The following HRC variants were observed in gnomAD, a reference collection of about 807,000 sequenced individuals.
HRC encodes the protein histidine rich calcium binding protein, also known as sarcoplasmic reticulum histidine-rich calcium-binding protein.
In HRC, 41 loss-of-function variants were observed where a neutral mutation model predicts 61.4. That is an observed-to-expected ratio of 0.67 (90% CI 0.52 to 0.87). HRC has a LOEUF of 0.87. Ranked by LOEUF, HRC falls within the 40% of genes least tolerant of loss-of-function variation. The pLI is 0.00. For synonymous variants in HRC, 308 were observed against 326.6 expected, an observed-to-expected ratio of 0.94 and a Z score of 0.62; for missense variants, 839 against 885.8, an observed-to-expected ratio of 0.95 and a Z score of 0.67.
Position 49,155,323 on chromosome 19 carries a change from CT to C in HRC, c.-87del. ...GTCTTTGTCCCTTTGGGGTTGGTCT[CT>C]TTTTTTCTCTGTGTCTCTCCTTTGT... On this transcript the variant is annotated 5_prime_UTR_variant, in exon 1 of 6. Coordinates refer to ENST00000252825, the MANE Select transcript of HRC (RefSeq NM_002152.3). The surrounding 1 kb of genome is among the most constrained non-coding windows in gnomAD (Gnocchi z 4.7). The C allele has an allele frequency of 4.1e-6, 6 of 1,454,836 alleles. 1 individual carries two copies. The South Asian group carries it at 5.7e-5, about 14-fold the overall frequency. 90.1% of individuals were successfully genotyped at this position (1,454,836 alleles called of 1,614,324 possible). A position where few individuals can be genotyped will look rare whatever the true frequency, so the allele number is the denominator to read the frequency against.
rs1201997656 is a variant in HRC at position 49,154,013 on chromosome 19, C to T, written c.1225G>A (p.Glu409Lys). The change falls in exon 1 of 6, where the codon GAG (glutamate) becomes AAG (lysine). Residue 409 changes from glutamate to lysine, a missense_variant. Coordinates refer to ENST00000252825, the MANE Select transcript of HRC (RefSeq NM_002152.3). ...HKSDEEDFQD[E>K]YKTEVPHHHH... ...TGGTGAGGGACTTCTGTTTTATACT[C>T]ATCTTGGAAGTCCTCTTCATCACTC... 6 of 1,613,860 alleles carry T rather than the reference C, an allele frequency of 3.7e-6. No individual in the cohort carries two copies. Among genetic ancestry groups the T allele is most frequent in the Non-Finnish European group, 8.5e-7 (1 of 1,180,016 alleles).
Position 49,153,744 on chromosome 19 carries a change from G to A in HRC, c.1494C>T (p.Asp498=), listed in dbSNP as rs200900881. 111 of 1,613,818 alleles carry A rather than the reference G, an allele frequency of 6.9e-5. No individual in the cohort carries two copies. The highest frequency in any genetic ancestry group is 2.9e-4 in the African/African-American group (22 of 74,806). ...KEEDPGSHEE[D]DESSEQGEKG... is the part of the protein sequence containing the mutation. Reference sequence around the variant, plus strand: ...TCTCTCCCTGCTCTGAACTTTCATCGTCTTCCTCATGGGAGCCGGGGTCCT... The same window carrying A: ...TCTCTCCCTGCTCTGAACTTTCATCATCTTCCTCATGGGAGCCGGGGTCCT... Residue 498 remains aspartate, a synonymous_variant, in exon 1 of 6, where the codon GAC becomes GAT. Coordinates refer to ENST00000252825, the MANE Select transcript of HRC (RefSeq NM_002152.3). This position sits in a 1 kb window ranked among gnomAD's most constrained non-coding sequence, Gnocchi z 4.8.
Position 49,155,040 on chromosome 19 carries a change from G to T in HRC, c.198C>A (p.Asp66Glu). 6.2e-7 allele frequency: 1 copy of T among 1,614,200 alleles called. No individual in the cohort carries two copies. Among genetic ancestry groups the T allele is most frequent in the Non-Finnish European group, 8.5e-7 (1 of 1,180,040 alleles). The change falls in exon 1 of 6, where the codon GAC becomes GAA. Residue 66 changes from aspartate (D) to glutamate (E), a missense_variant. By Grantham distance (45) the Asp-to-Glu change is conservative. Transcript: ENST00000252825. The surrounding 1 kb of genome is among the most constrained non-coding windows in gnomAD (Gnocchi z 4.7). ...ELRHHLHSPRDHPDENKDVST... is the reference protein window; with the variant it reads ...ELRHHLHSPREHPDENKDVST... ...AAACATCCTTGTTCTCATCTGGATG[G>T]TCTCTAGGGCTGTGGAGGTGGTGGC...
intron 3 of HRC, 51 bp from the exon 4 acceptor site, chr19:49,152,109 G>A (rs1388756522): frequency 1.2e-5 from 19 of 1,550,412 alleles, no homozygotes; most frequent in African/African-American, 2.7e-5. Flanking sequence ...GGCCGGGGGC[G>A]GAGTTAGGAT....
At chr19:49,152,181 T>C (rs2041367340) in intron 3 of HRC, 123 bp from the exon 4 acceptor site, 2 of 1,268,304 alleles carry the variant, frequency 1.6e-6, no homozygotes, top group Non-Finnish European at 2.3e-6. Context: ...TCAGGATCGC[T>C]TGTGGAGTCA....
In HRC at chr19:49,154,987, C is replaced by T. The variant is rs369761377; in HGVS notation, c.251G>A (p.Ser84Asn). 3.1e-6 allele frequency: 5 copies of T among 1,614,118 alleles called. No individual in the cohort carries two copies. The highest frequency in any genetic ancestry group is 4.2e-6 in the Non-Finnish European group (5 of 1,180,052). Residue 84 changes from serine to asparagine, a missense_variant, in exon 1 of 6, where the codon AGC becomes AAC. Transcript: ENST00000252825. ...VSTENGHHFW[S>N]HPDREKEDED... ...ATCCTCCTTTTCACGGTCTGGGTGG[C>T]TCCAGAAATGATGCCCATTCTCTGT...
At position 49,153,511 on chromosome 19, in the gene HRC, CCCT is replaced by C. The variant is rs749709385; in HGVS notation, c.1724_1726del (p.Glu575del). 3.7e-4 allele frequency: 576 copies of C among 1,571,670 alleles called. No homozygotes were observed. Among genetic ancestry groups the C allele is most frequent in the Admixed American group, 1.1e-3 (62 of 57,480 alleles). On this transcript the variant is annotated inframe_deletion, in exon 1 of 6. Coordinates refer to ENST00000252825, the MANE Select transcript of HRC (RefSeq NM_002152.3). The surrounding 1 kb of genome is among the most constrained non-coding windows in gnomAD (Gnocchi z 4.8). ...GAAGCGGGGCTCATCTTCCTCCAGC[CCCT>C]CCTCCTCCTCCTCTTCCTCCTCGCT...
rs542091249 is a variant in HRC at position 49,154,632 on chromosome 19, T to C, written c.606A>G (p.Glu202=). The change falls in exon 1 of 6, where the codon GAA becomes GAG. Residue 202 remains glutamate, a synonymous_variant. Transcript: ENST00000252825. ...GEEEEEEEEE[E]EEASTEYGHQ... ...GTCCATACTCAGTGGAGGCCTCCTC[T>C]TCCTCCTCCTCCTCCTCCTCCTCCT... 9.5e-6 allele frequency: 15 copies of C among 1,579,422 alleles called. No individual in the cohort carries two copies. The highest frequency in any genetic ancestry group is 2.3e-5 in the East Asian group (1 of 44,432).
rs1193574983 is a variant in HRC, at chr19:49,155,375, C to T, written c.-138G>A. 1 of 1,251,560 alleles carries T rather than the reference C, an allele frequency of 8.0e-7. No homozygotes were observed. Among genetic ancestry groups the T allele is most frequent in the Non-Finnish European group, 1.1e-6 (1 of 934,830 alleles). The allele number at this position is 1,251,560 out of a possible 1,614,324, so 77.5% of individuals were successfully genotyped here. On this transcript the variant is annotated 5_prime_UTR_variant, in exon 1 of 6. Transcript: ENST00000252825. The surrounding 1 kb of genome is among the most constrained non-coding windows in gnomAD (Gnocchi z 4.7). ...CCTTTCGGTCTCTGTCCACCTTCCT[C>T]TGGTCCTTGCTGCCTGGCTCTGGAC...
At chr19:49,151,462 G>C in intron 5 of HRC, 55 bp downstream of exon 5, 1 of 1,597,554 alleles carries the variant, frequency 6.3e-7, no homozygotes, top group Non-Finnish European at 8.6e-7. Context: ...AACTCATAGC[G>C]AGACAAGCAC....
chr19:49,151,301 G>A lies in HRC; in HGVS notation c.2095C>T (p.Pro699Ser). The change falls in exon 6 of 6, where the codon CCC becomes TCC. Residue 699 changes from proline (P) to serine (S), a missense_variant. Transcript: ENST00000252825. Reference protein sequence around the residue: ...ALADMLETPEP With the variant: ...ALADMLETPES ...GTCGCAGTCGAGCGACTGGGTCAGG[G>A]TTCCGGCGTTTCCAGCATGTCTGCC... The A allele has an allele frequency of 6.4e-7, 1 of 1,557,440 alleles. No homozygotes were observed. Among genetic ancestry groups the A allele is most frequent in the South Asian group, 1.2e-5 (1 of 84,692 alleles).
At chr19:49,152,431 T>A in intron 2 of HRC, 53 bp from the exon 3 acceptor site, 1 of 1,509,588 alleles carries the variant, frequency 6.6e-7, no homozygotes, top group Non-Finnish European at 9.1e-7. Context: ...ACTTGGGAGG[T>A]ACCCGCCCCT....
Position 49,154,051 on chromosome 19 carries a change from G to A in HRC, c.1187C>T (p.Pro396Leu). Residue 396 changes from proline to leucine, a missense_variant, in exon 1 of 6, where the codon CCT becomes CTT. Transcript: ENST00000252825. ...QFGHYVASHQ[P>L]RGHKSDEEDF... is the part of the protein sequence containing the mutation. Reference sequence around the variant, plus strand: ...CTCTTCATCACTCTTGTGGCCTCGAGGTTGGTGGCTTGCAACATAGTGGCC... The same window carrying A: ...CTCTTCATCACTCTTGTGGCCTCGAAGTTGGTGGCTTGCAACATAGTGGCC... 1 of 1,614,138 alleles carries A rather than the reference G, an allele frequency of 6.2e-7. No homozygotes were observed. Among genetic ancestry groups the A allele is most frequent in the Non-Finnish European group, 8.5e-7 (1 of 1,180,040 alleles).
Position 49,154,806 on chromosome 19 carries a change from G to C in HRC, c.432C>G (p.Asp144Glu). Residue 144 changes from aspartate (D) to glutamate (E), a missense_variant, in exon 1 of 6, where the codon GAC (aspartate) becomes GAG (glutamate). Physicochemically the swap from Asp to Glu is conservative, Grantham distance 45 (BLOSUM62 2). Transcript: ENST00000252825. ...GGAGGTGGTGCCTGTGCTCAGCTGAGTCTTCCGTGTCTTCACTCCCGTGGC... is the reference window on the plus strand; with the variant it reads ...GGAGGTGGTGCCTGTGCTCAGCTGACTCTTCCGTGTCTTCACTCCCGTGGC... ...HRGHGSEDTE[D>E]SAEHRHHLPS... The C allele has an allele frequency of 6.2e-7, 1 of 1,613,436 alleles. No homozygotes were observed. The highest frequency in any genetic ancestry group is 8.5e-7 in the Non-Finnish European group (1 of 1,179,828).
At chr19:49,151,957 G>C (rs2041364207) in intron 4 of HRC, 47 bp downstream of exon 4, 1 of 1,586,554 alleles carries the variant, frequency 6.3e-7, no homozygotes, top group Admixed American at 1.7e-5. Context: ...CACCACGCTG[G>C]GCCCGGCACC....
At position 49,152,496 on chromosome 19, in the gene HRC, C is replaced by T. The variant is rs1600362683; in HGVS notation, c.1903-118G>A. The T allele has an allele frequency of 7.0e-6, 5 of 709,660 alleles. No homozygotes were observed. In the Middle Eastern group the frequency reaches 1.9e-3, roughly 269 times the overall value. The allele number at this position is 709,660 out of a possible 1,614,324, so 44.0% of individuals were successfully genotyped here. A position where few individuals can be genotyped will look rare whatever the true frequency, so the allele number is the denominator to read the frequency against. Reference sequence around the variant, plus strand: ...CAGACTCTACCCTCTTTATCTCTAACACTGAGCTCTGTATCTGCCCCCCAA... The same window carrying T: ...CAGACTCTACCCTCTTTATCTCTAATACTGAGCTCTGTATCTGCCCCCCAA... On this transcript the variant is annotated intron_variant, in intron 2 of 5. Coordinates refer to ENST00000252825, the MANE Select transcript of HRC (RefSeq NM_002152.3).
At position 49,155,355 on chromosome 19, in the gene HRC, C is replaced by A; in HGVS notation, c.-118G>T. Reference sequence around the variant, plus strand: ...TCTCTGTGTCTCTCCTTTGTCCTTTCGGTCTCTGTCCACCTTCCTCTGGTC... The same window carrying A: ...TCTCTGTGTCTCTCCTTTGTCCTTTAGGTCTCTGTCCACCTTCCTCTGGTC... On this transcript the variant is annotated 5_prime_UTR_variant, in exon 1 of 6. Coordinates refer to ENST00000252825, the MANE Select transcript of HRC (RefSeq NM_002152.3). This position sits in a 1 kb window ranked among gnomAD's most constrained non-coding sequence, Gnocchi z 4.7. The A allele has an allele frequency of 7.3e-7, 1 of 1,364,038 alleles. No individual in the cohort carries two copies. The highest frequency in any genetic ancestry group is 9.7e-7 in the Non-Finnish European group (1 of 1,035,444). The allele number at this position is 1,364,038 out of a possible 1,614,324, so 84.5% of individuals were successfully genotyped here. A position where few individuals can be genotyped will look rare whatever the true frequency, so the allele number is the denominator to read the frequency against.
rs750602745 is a variant in HRC at position 49,153,556 on chromosome 19, G to A, written c.1682C>T (p.Pro561Leu). 1.9e-6 allele frequency: 3 copies of A among 1,567,972 alleles called. No homozygotes were observed. The highest frequency in any genetic ancestry group is 1.2e-5 in the South Asian group (1 of 83,658). The change falls in exon 1 of 6, where the codon CCA (proline) becomes CTA (leucine). Residue 561 changes from proline (P) to leucine (L), a missense_variant. Physicochemically the swap from Pro to Leu is moderately conservative, Grantham distance 98. Transcript: ENST00000252825. This position sits in a 1 kb window ranked among gnomAD's most constrained non-coding sequence, Gnocchi z 4.8. ...RREERAEVGA[P>L]LSPDHSEEEE... ...CTCCTCGCTGTGGTCTGGGCTCAGT[G>A]GGGCCCCAACCTCAGCCCTCTCTTC...
At chr19:49,152,458 C>G (rs1479593096) in intron 2 of HRC, 80 bp from the exon 3 acceptor site, 2 of 1,160,778 alleles carry the variant, frequency 1.7e-6, no homozygotes, top group Non-Finnish European at 2.5e-6. Context: ...CCCCTGCACC[C>G]TGGACGCTTC....
Sources: allele counts gnomAD v4.1 joint callset, GRCh38; gene constraint gnomAD v4.1.1; non-coding constraint Gnocchi (gnomAD v3.1); transcripts MANE v1.5; gene names NCBI Gene and HGNC (gene_info 2026-07-23, HGNC 2026-07-21).